The following GALNT18 variants were observed in gnomAD, a reference collection of about 807,000 sequenced individuals.
GALNT18 encodes the protein GalNAc-transferase 18.
GALNT18 carries 44 observed loss-of-function variants against 69.5 expected under a neutral mutation model. That is an observed-to-expected ratio of 0.63 (90% CI 0.50 to 0.81). GALNT18 has a LOEUF of 0.81. GALNT18 is among the 40% of genes least tolerant of loss of function. The probability of loss-of-function intolerance (pLI) is 0.00; values close to 1 mark genes in which losing one functional copy is unlikely to be tolerated. For missense variants in GALNT18, 715 were observed against 810.0 expected, an observed-to-expected ratio of 0.88 and a Z score of 1.42; for synonymous variants, 364 against 318.2, an observed-to-expected ratio of 1.14 and a Z score of -1.53.
chr11:11,557,363 G>A (rs994278203), intron 1 of GALNT18, among the ~76,000 whole-genome samples: 1 of 152,066 alleles, frequency 6.6e-6, no homozygotes, highest in Non-Finnish European at 1.5e-5. Context: ...TTCAACTTTT[G>A]TCTCAGCCAC....
chr11:11,395,816 G>C (rs1356586236), intron 3 of GALNT18, among the ~76,000 whole-genome samples: 1 of 152,324 alleles, frequency 6.6e-6, no homozygotes, highest in East Asian at 1.9e-4. Flanking sequence ...GAAGGATGGA[G>C]AGCAGGCTCT....
chr11:11,276,279 A>C (rs1848944635), intron 10 of GALNT18, among the ~76,000 whole-genome samples: 1 of 151,962 alleles, frequency 6.6e-6, no homozygotes, highest in South Asian at 2.1e-4. Flanking sequence ...TAGGTATTTT[A>C]TTCTCTTTGT....
intron 6 of GALNT18, among the ~76,000 whole-genome samples, chr11:11,364,522 A>G (rs1564911457): frequency 6.6e-6 from 1 of 150,744 alleles, no homozygotes. Context: ...AGGAAAAATG[A>G]CCTGATCTCT....
rs750403676 is a variant in GALNT18, at chr11:11,421,629, G to A, written c.595+10992C>T. On this transcript the variant is annotated intron_variant, in intron 3 of 10. Transcript: ENST00000227756. The surrounding 1 kb of genome is among the most constrained non-coding windows in gnomAD (Gnocchi z 5.6). ...CAAACGCAGGACCAATGCAGAGAAGGTTGGGGAAAGCTGGGGTTGCTGGCC... is the reference window on the plus strand; with the variant it reads ...CAAACGCAGGACCAATGCAGAGAAGATTGGGGAAAGCTGGGGTTGCTGGCC... Among the ~76,000 whole-genome samples the A allele has an allele frequency of 1.3e-5, 2 of 152,142 alleles. No individual in the cohort carries two copies. Among genetic ancestry groups the A allele is most frequent in the African/African-American group, 2.4e-5 (1 of 41,426 alleles).
chr11:11,525,038 T>C (rs1429822430), intron 1 of GALNT18, among the ~76,000 whole-genome samples: 1 of 151,930 alleles, frequency 6.6e-6, no homozygotes, highest in Admixed American at 6.6e-5. Context: ...TCAGAGAAGG[T>C]TGAAGAGAAA....
In GALNT18 at chr11:11,573,068, G is replaced by C. The variant is rs1446290942; in HGVS notation, c.235+48291C>G. Among the ~76,000 whole-genome samples the C allele has an allele frequency of 6.6e-6, 1 of 152,200 alleles. No individual in the cohort carries two copies. The highest frequency in any genetic ancestry group is 1.5e-5 in the Non-Finnish European group (1 of 68,042). Reference sequence around the variant, plus strand: ...ACAGATGAGAAACCTGGGTCTCAGAGATACTAATGAAAGTAACCCAGGGCC... The same window carrying C: ...ACAGATGAGAAACCTGGGTCTCAGACATACTAATGAAAGTAACCCAGGGCC... On this transcript the variant is annotated intron_variant, in intron 1 of 10. Coordinates refer to ENST00000227756, the MANE Select transcript of GALNT18 (RefSeq NM_198516.3). The surrounding 1 kb of genome is among the most constrained non-coding windows in gnomAD (Gnocchi z 4.6).
intron 3 of GALNT18, among the ~76,000 whole-genome samples, chr11:11,379,946 C>T (rs1853869270): frequency 6.6e-6 from 1 of 152,242 alleles, no homozygotes; most frequent in African/African-American, 2.4e-5. Context: ...GAACCCTCAG[C>T]AAGAGAGGGC....
intron 1 of GALNT18, among the ~76,000 whole-genome samples, chr11:11,576,888 C>T (rs1200215486): frequency 7.2e-5 from 11 of 152,232 alleles, no homozygotes. Context: ...TGTGAACGCA[C>T]ACCTTTAGTG....
chr11:11,281,664 G>C (rs1220458213), intron 10 of GALNT18, among the ~76,000 whole-genome samples: 1 of 152,134 alleles, frequency 6.6e-6, no homozygotes, highest in Admixed American at 6.6e-5. Flanking sequence ...AGGTTTCTGA[G>C]ACATAAAGCA....
intron 1 of GALNT18, among the ~76,000 whole-genome samples, chr11:11,537,453 A>T (rs1221126035): frequency 6.6e-6 from 1 of 152,200 alleles, no homozygotes; most frequent in Non-Finnish European, 1.5e-5. Context: ...TAAGGAGAAA[A>T]GATTTTGTAG....
intron 1 of GALNT18, chr11:11,570,191 T>C (rs1346986776): frequency 6.6e-6 from 1 of 152,446 alleles, no homozygotes; most frequent in Admixed American, 6.5e-5. Flanking sequence ...GGATTCAACG[T>C]GCTAAAGTGA....
rs1859607627 is a variant in GALNT18 at position 11,600,554 on chromosome 11, T to A, written c.235+20805A>T. 6.6e-6 allele frequency among the ~76,000 whole-genome samples: 1 copy of A among 152,132 alleles called. No homozygotes were observed. The highest frequency in any genetic ancestry group is 2.1e-4 in the South Asian group (1 of 4,828). On this transcript the variant is annotated intron_variant, in intron 1 of 10. Transcript: ENST00000227756. The surrounding 1 kb of genome is among the most constrained non-coding windows in gnomAD (Gnocchi z 4.8). ...TCTTGTAGGTGATAAGTGGTCTTTC[T>A]GTTACTGCTTCCAAGATTTTCTCTC...
chr11:11,464,674 A>C (rs1247449231), intron 1 of GALNT18, among the ~76,000 whole-genome samples: 1 of 152,236 alleles, frequency 6.6e-6, no homozygotes, highest in Non-Finnish European at 1.5e-5. Flanking sequence ...AATATGCATC[A>C]AGATACAGCA....
chr11:11,365,911 T>A (rs1029034108), intron 6 of GALNT18, among the ~76,000 whole-genome samples: 2 of 152,208 alleles, frequency 1.3e-5, no homozygotes, highest in African/African-American at 4.8e-5. Context: ...AGCTATATGA[T>A]CTGTCACTGT....
In GALNT18 at chr11:11,594,923, GTATATA is replaced by G. The variant is rs1197152383; in HGVS notation, c.235+26430_235+26435del. Among the ~76,000 whole-genome samples, 6 of 121,018 alleles carry G rather than the reference GTATATA, an allele frequency of 5.0e-5. No homozygotes were observed. The South Asian group carries it at 1.1e-3, about 23-fold the overall frequency. The allele number at this position is 121,018 out of a possible 152,430, so 79.4% of individuals were successfully genotyped here. ...ACACAGATACAAAATATGCGTGTGT[GTATATA>G]TATATATAATCTCCAAGAATGTATA... On this transcript the variant is annotated intron_variant, in intron 1 of 10. Transcript: ENST00000227756.
intron 9 of GALNT18, among the ~76,000 whole-genome samples, chr11:11,293,542 T>C (rs1441326209): frequency 7.4e-5 from 10 of 135,422 alleles, no homozygotes; most frequent in African/African-American, 2.3e-4. Context: ...TCTTTTTTTT[T>C]TTTTTTTTTT....
chr11:11,272,001 G>A (rs1032974123), intron 10 of GALNT18, among the ~76,000 whole-genome samples: 4 of 151,968 alleles, frequency 2.6e-5, no homozygotes, highest in Non-Finnish European at 5.9e-5. Context: ...AGTCTGAGGT[G>A]GCAGCCTGGA....
intron 8 of GALNT18, among the ~76,000 whole-genome samples, chr11:11,328,464 A>G (rs1849963085): frequency 6.6e-6 from 1 of 152,202 alleles, no homozygotes; most frequent in African/African-American, 2.4e-5. Context: ...GGTTTGTGGC[A>G]GGAGCAAAAT....
chr11:11,376,772 A>C (rs1853772982), intron 5 of GALNT18, among the ~76,000 whole-genome samples: 1 of 152,076 alleles, frequency 6.6e-6, no homozygotes, highest in African/African-American at 2.4e-5. Context: ...AACAAGTGAA[A>C]ATGCTGCCCT....
Sources: gnomAD v4.1 joint callset for allele counts (sites outside exome capture counted in the v4.1 genomes callset) on GRCh38, gnomAD v4.1.1 for gene constraint, Gnocchi (gnomAD v3.1) non-coding constraint, MANE v1.5 for transcripts, NCBI Gene and HGNC (gene_info 2026-07-23, HGNC 2026-07-21) for gene names.